The following CREB5 variants were observed in gnomAD, a reference collection of about 807,000 sequenced individuals.
CREB5 encodes the protein cAMP responsive element binding protein 5.
In CREB5, 19 loss-of-function variants were observed where a neutral mutation model predicts 57.1. The ratio of observed to expected loss-of-function variants is 0.33; its 90% CI spans 0.23 to 0.49. The LOEUF is 0.49. CREB5 is among the 20% of genes least tolerant of loss of function. CREB5 has a pLI of 0.99. For synonymous variants in CREB5, 238 were observed against 238.3 expected, an observed-to-expected ratio of 1.00 and a Z score of 0.01; for missense variants, 579 against 671.6, an observed-to-expected ratio of 0.86 and a Z score of 1.52.
At chr7:28,509,084 A>G (rs916174269) in intron 4 of CREB5, among the ~76,000 whole-genome samples, 2 of 152,078 alleles carry the variant, frequency 1.3e-5, no homozygotes, top group African/African-American at 4.8e-5. Flanking sequence ...TTTTTTTGAT[A>G]GACATGTGTA....
rs115720596 is a variant in CREB5 at position 28,530,901 on chromosome 7, A to G, written c.291+23164A>G. The stretch of plus-strand genomic sequence containing the variant: ...AGACAAGATCTTCTGCGGGAAAAAT[A>G]TGCTTAATGAGCTTAGGAAAAACCT... On this transcript the variant is annotated intron_variant, in intron 4 of 10. Coordinates refer to ENST00000357727, the MANE Select transcript of CREB5 (RefSeq NM_182898.4). Among the ~76,000 whole-genome samples, 812 of 152,348 alleles carry G rather than the reference A, an allele frequency of 5.3e-3. 10 individuals are homozygous for G. The highest frequency in any genetic ancestry group is 0.019 in the African/African-American group (770 of 41,580).
chr7:28,770,869 T>G (rs1441602107), intron 7 of CREB5, among the ~76,000 whole-genome samples: 1 of 152,220 alleles, frequency 6.6e-6, no homozygotes, highest in Non-Finnish European at 1.5e-5. Context: ...TGCAGCATGG[T>G]GACTACAGTT....
intron 1 of CREB5, among the ~76,000 whole-genome samples, chr7:28,460,810 G>A (rs55728574): frequency 6.6e-6 from 1 of 151,954 alleles, no homozygotes; most frequent in Non-Finnish European, 1.5e-5. Context: ...CGGGGGAAGA[G>A]AGAGGAGAAA....
intron 3 of CREB5, among the ~76,000 whole-genome samples, chr7:28,500,967 G>A (rs1411662753): frequency 6.6e-6 from 1 of 152,092 alleles, no homozygotes; most frequent in Non-Finnish European, 1.5e-5. Flanking sequence ...TTGCACCAGA[G>A]GGCAGCATGG....
intron 6 of CREB5, among the ~76,000 whole-genome samples, chr7:28,723,067 T>A (rs951280830): frequency 6.6e-6 from 1 of 152,120 alleles, no homozygotes; most frequent in African/African-American, 2.4e-5. Flanking sequence ...AGCAAGCAAC[T>A]CCGTATTTTC....
chr7:28,462,986 T>A (rs2128576761), intron 1 of CREB5, among the ~76,000 whole-genome samples: 1 of 152,246 alleles, frequency 6.6e-6, no homozygotes, highest in East Asian at 1.9e-4. Context: ...TCTAAGGATT[T>A]TTTGTTTTTT....
chr7:28,730,862 A>G (rs1264843507), intron 7 of CREB5, among the ~76,000 whole-genome samples: 2 of 152,176 alleles, frequency 1.3e-5, no homozygotes, highest in African/African-American at 4.8e-5. Flanking sequence ...TCCTGTTTCT[A>G]TTATATCATG....
intron 7 of CREB5, among the ~76,000 whole-genome samples, chr7:28,745,881 A>C (rs2128760377): frequency 6.6e-6 from 1 of 152,310 alleles, no homozygotes; most frequent in Non-Finnish European, 1.5e-5. Context: ...CCAGGCTTTC[A>C]GGATGAACAT....
chr7:28,391,919 G>A (rs1436361334), intron 1 of CREB5, among the ~76,000 whole-genome samples: 1 of 152,028 alleles, frequency 6.6e-6, no homozygotes, highest in Non-Finnish European at 1.5e-5. Flanking sequence ...TTCCTAATGT[G>A]GCTGTTCTAG....
intron 4 of CREB5, among the ~76,000 whole-genome samples, chr7:28,523,376 A>G (rs764178029): frequency 6.6e-6 from 1 of 152,144 alleles, no homozygotes; most frequent in Non-Finnish European, 1.5e-5. Flanking sequence ...ATTCAATCGA[A>G]AAACGTTTAT....
At chr7:28,464,712 A>ATTTT (rs1562735358) in intron 1 of CREB5, among the ~76,000 whole-genome samples, 130 of 141,822 alleles carry the variant, frequency 9.2e-4, no homozygotes, top group African/African-American at 3.1e-3. Context: ...GTTATTTTTA[A>ATTTT]AAAAAAAAAA....
At chr7:28,805,628 C>T (rs942226225) in intron 8 of CREB5, among the ~76,000 whole-genome samples, 1 of 152,218 alleles carries the variant, frequency 6.6e-6, no homozygotes, top group African/African-American at 2.4e-5. Flanking sequence ...GCACAAGCAA[C>T]TCTCGAAGCT....
chr7:28,770,194 G>C (rs1806245338), intron 7 of CREB5, among the ~76,000 whole-genome samples: 1 of 152,244 alleles, frequency 6.6e-6, no homozygotes, highest in South Asian at 2.1e-4. Flanking sequence ...GAAGAGTGGA[G>C]TTAATATGAC....
At chr7:28,798,621 T>G (rs753037528) in intron 7 of CREB5, among the ~76,000 whole-genome samples, 42 of 152,200 alleles carry the variant, frequency 2.8e-4, no homozygotes, top group Non-Finnish European at 4.4e-4. Context: ...CCGTCGCGGA[T>G]AGTGGACAGG....
At chr7:28,629,772 T>C (rs1012322606) in intron 5 of CREB5, among the ~76,000 whole-genome samples, 8 of 152,220 alleles carry the variant, frequency 5.3e-5, no homozygotes, top group African/African-American at 1.9e-4. Flanking sequence ...AAGTTAATTT[T>C]TGTTTGTCAG....
chr7:28,685,139 C>G (rs1800801267), intron 5 of CREB5, among the ~76,000 whole-genome samples: 1 of 152,176 alleles, frequency 6.6e-6, no homozygotes, highest in Non-Finnish European at 1.5e-5. Context: ...ACACCAGCAC[C>G]CCCTCCAGCG....
intron 5 of CREB5, among the ~76,000 whole-genome samples, chr7:28,656,905 C>T (rs760022960): frequency 5.3e-5 from 8 of 152,042 alleles, no homozygotes; most frequent in Non-Finnish European, 1.0e-4. Flanking sequence ...AGGTTTTAGC[C>T]CTTCTCTCAG....
At chr7:28,449,636 G>C (rs1193308291) in intron 1 of CREB5, among the ~76,000 whole-genome samples, 2 of 152,192 alleles carry the variant, frequency 1.3e-5, no homozygotes, top group Non-Finnish European at 2.9e-5. Flanking sequence ...TGAAAAATGA[G>C]TAAATTGCAT....
At chr7:28,701,047 C>A (rs1290321502) in intron 5 of CREB5, among the ~76,000 whole-genome samples, 3 of 151,690 alleles carry the variant, frequency 2.0e-5, no homozygotes, top group African/African-American at 7.3e-5. Context: ...TTTGTGGGCA[C>A]CTGCCCAACT....
Sources: gnomAD v4.1 joint callset for allele counts (sites outside exome capture counted in the v4.1 genomes callset) on GRCh38, gnomAD v4.1.1 for gene constraint, MANE v1.5 for transcripts, NCBI Gene and HGNC (gene_info 2026-07-23, HGNC 2026-07-21) for gene names.